PAX3: variants seen among roughly 807,000 people sequenced by gnomAD.
PAX3 encodes the protein paired box protein Pax-3.
A neutral mutation model predicts 51.6 loss-of-function variants in PAX3; 14 were observed. The ratio of observed to expected loss-of-function variants is 0.27; its 90% CI spans 0.18 to 0.42. PAX3 has a LOEUF of 0.42. PAX3 is among the 10% of genes least tolerant of loss of function. PAX3 has a pLI of 1.00. For missense variants in PAX3, 540 were observed against 642.8 expected (o/e 0.84, Z 1.73); for synonymous variants, 280 against 253.4 (o/e 1.11, Z -1.00).
chr2:222,287,615 C>T (rs1694877285), intron 4 of PAX3: 1 of 152,220 alleles, frequency 6.6e-6, no homozygotes, highest in Non-Finnish European at 1.5e-5. Flanking sequence ...CTATCTAATG[C>T]TATATCTAGA....
At chr2:222,289,898 A>G (rs1694967792) in intron 4 of PAX3, among the ~76,000 whole-genome samples, 1 of 152,232 alleles carries the variant, frequency 6.6e-6, no homozygotes, top group East Asian at 1.9e-4. Flanking sequence ...AGTTTTCTCT[A>G]TAGAATCGAA....
intron 4 of PAX3, among the ~76,000 whole-genome samples, chr2:222,256,752 T>C (rs1693661903): frequency 6.6e-6 from 1 of 152,234 alleles, no homozygotes; most frequent in Non-Finnish European, 1.5e-5. Flanking sequence ...AATGACACAA[T>C]TTGTTTTAGA....
chr2:222,285,552 G>A (rs938045606), intron 4 of PAX3, among the ~76,000 whole-genome samples: 10 of 152,206 alleles, frequency 6.6e-5, no homozygotes, highest in African/African-American at 2.4e-4. Flanking sequence ...AAATAAAAAT[G>A]TAGACTTTCT....
intron 4 of PAX3, chr2:222,293,687 G>T: frequency 6.2e-7 from 1 of 1,614,184 alleles, no homozygotes; most frequent in Non-Finnish European, 8.5e-7. Context: ...ATTTTGGAGG[G>T]CCGTTGCCCA....
At chr2:222,247,400 T>C (rs1321014306) in intron 4 of PAX3, among the ~76,000 whole-genome samples, 1 of 152,180 alleles carries the variant, frequency 6.6e-6, no homozygotes, top group African/African-American at 2.4e-5. Flanking sequence ...TTTCCCACTA[T>C]TAGTCAGAGA....
intron 5 of PAX3, among the ~76,000 whole-genome samples, chr2:222,226,027 T>G (rs901520846): frequency 6.6e-6 from 1 of 152,234 alleles, no homozygotes; most frequent in East Asian, 1.9e-4. Flanking sequence ...GGTGTCAGCC[T>G]AATTTTGCCC....
chr2:222,261,754 A>G (rs1181938866), intron 4 of PAX3, among the ~76,000 whole-genome samples: 2 of 152,194 alleles, frequency 1.3e-5, no homozygotes, highest in Non-Finnish European at 2.9e-5. Context: ...TTTTGAGAGG[A>G]CCCAAATGCT....
chr2:222,287,030 A>C (rs1035966000), intron 4 of PAX3, among the ~76,000 whole-genome samples: 1 of 152,206 alleles, frequency 6.6e-6, no homozygotes, highest in Admixed American at 6.5e-5. Context: ...GCATGATCTC[A>C]GCTTAGATAA....
At chr2:222,292,117 A>G (rs1695064588) in intron 4 of PAX3, among the ~76,000 whole-genome samples, 1 of 152,074 alleles carries the variant, frequency 6.6e-6, no homozygotes. Flanking sequence ...ACAGCCCAAA[A>G]GACTAGAAAC....
chr2:222,221,679 A>C, intron 5 of PAX3: 2 of 381,584 alleles, frequency 5.2e-6, no homozygotes, highest in South Asian at 2.5e-5. Context: ...AACAACAGGA[A>C]CTCCCCTCCC....
At chr2:222,239,115 G>A (rs1692908354) in intron 4 of PAX3, among the ~76,000 whole-genome samples, 3 of 152,180 alleles carry the variant, frequency 2.0e-5, no homozygotes, top group African/African-American at 7.2e-5. Flanking sequence ...TTTTCCCTTT[G>A]TGATCTTTGG....
At chr2:222,260,658 C>T (rs1309027330) in intron 4 of PAX3, among the ~76,000 whole-genome samples, 2 of 128,424 alleles carry the variant, frequency 1.6e-5, no homozygotes, top group Non-Finnish European at 3.1e-5. Flanking sequence ...GTGACATGAT[C>T]TCAGCTCACT....
intron 4 of PAX3, among the ~76,000 whole-genome samples, chr2:222,237,253 C>T (rs936462608): frequency 2.6e-5 from 4 of 151,736 alleles, no homozygotes; most frequent in Non-Finnish European, 5.9e-5. Context: ...ATCTATGGGA[C>T]TTCAGAGGAC....
chr2:222,296,825 TAC>T (rs143296379), intron 2 of PAX3, among the ~76,000 whole-genome samples, 151 bp downstream of exon 2: 1 of 152,188 alleles, frequency 6.6e-6, no homozygotes, highest in Non-Finnish European at 1.5e-5. Context: ...CGTGCACACG[TAC>T]ACACACACAC....
intron 4 of PAX3, among the ~76,000 whole-genome samples, chr2:222,261,705 T>C (rs1292565543): frequency 2.0e-5 from 3 of 152,188 alleles, no homozygotes; most frequent in Admixed American, 2.0e-4. Context: ...GTCAGAACAT[T>C]GGCCTGCAAA....
chr2:222,292,331 C>G (rs924109015), intron 4 of PAX3, among the ~76,000 whole-genome samples: 1 of 152,188 alleles, frequency 6.6e-6, no homozygotes, highest in Non-Finnish European at 1.5e-5. Flanking sequence ...CAAGCTGCTC[C>G]GAGCTGGAGC....
intron 4 of PAX3, among the ~76,000 whole-genome samples, chr2:222,246,577 ATGGATGGG>A (rs1693236524): frequency 6.6e-6 from 1 of 152,094 alleles, no homozygotes; most frequent in African/African-American, 2.4e-5. Flanking sequence ...TATTATACAG[ATGGATGGG>A]TGGATGGATG....
At chr2:222,221,952 G>C (rs758351969) in intron 5 of PAX3, among the ~76,000 whole-genome samples, 17 of 151,598 alleles carry the variant, frequency 1.1e-4, no homozygotes, top group Non-Finnish European at 2.1e-4. Flanking sequence ...TGATCTCGGT[G>C]GAAATAAATG....
intron 4 of PAX3, among the ~76,000 whole-genome samples, chr2:222,262,097 C>T (rs553395438): frequency 1.9e-3 from 289 of 152,290 alleles, no homozygotes; most frequent in African/African-American, 5.9e-3. Flanking sequence ...AGACAGTATA[C>T]GTAGACTCAT....
Sources: allele counts gnomAD v4.1 joint callset (sites outside exome capture counted in the v4.1 genomes callset), GRCh38; gene constraint gnomAD v4.1.1; transcripts MANE v1.5; gene names NCBI Gene and HGNC (gene_info 2026-07-23, HGNC 2026-07-21).